Variants in PLD1 observed in about 807,000 individuals in gnomAD.
The protein encoded by PLD1 is phospholipase D1, also known as choline phosphatase 1.
PLD1 carries 112 observed loss-of-function variants against 137.1 expected under a neutral mutation model. The observed-to-expected ratio is 0.82, with a 90% CI of 0.70 to 0.96. The LOEUF (loss-of-function observed/expected upper bound fraction) is 0.96. Ranked by LOEUF, PLD1 falls within the 40% of genes least tolerant of loss-of-function variation. PLD1 has a pLI of 0.00. For synonymous variants in PLD1, 431 were observed against 454.7 expected, an observed-to-expected ratio of 0.95 and a Z score of 0.66; for missense variants, 1,321 against 1,342.0, an observed-to-expected ratio of 0.98 and a Z score of 0.24.
At chr3:171,638,513 C>T (rs1400619931) in intron 23 of PLD1, among the ~76,000 whole-genome samples, 1 of 152,078 alleles carries the variant, frequency 6.6e-6, no homozygotes, top group Non-Finnish European at 1.5e-5. Flanking sequence ...ATTCCTTTCT[C>T]CTATCTATTT....
intron 1 of PLD1, among the ~76,000 whole-genome samples, chr3:171,805,732 G>T (rs2108362018): frequency 6.6e-6 from 1 of 152,326 alleles, no homozygotes; most frequent in Admixed American, 6.5e-5. Context: ...CTAAAAAAAA[G>T]TTTGTTAAGA....
chr3:171,642,854 T>C lies in PLD1; in HGVS notation c.2579A>G (p.Gln860Arg). The C allele has an allele frequency of 1.3e-6, 2 of 1,584,700 alleles. No individual in the cohort carries two copies. The highest frequency in any genetic ancestry group is 1.8e-5 in the Admixed American group (1 of 56,696). Residue 860 changes from glutamine (Q) to arginine (R), a missense_variant, in exon 23 of 27, where the codon CAG becomes CGG. Physicochemically the swap from Gln to Arg is conservative, Grantham distance 43 (BLOSUM62 1). Transcript: ENST00000351298. ...CAGTTACTTACGCTCTGCTTTTAAC[T>C]GTCCAAGGATGGAATTTTCTCCTCT... ...MCRGENSILG[Q>R]LKAELGNQWI...
intron 21 of PLD1, among the ~76,000 whole-genome samples, chr3:171,649,157 T>C (rs7616430): frequency 0.037 from 5,569 of 152,254 alleles, 260 homozygotes; most frequent in African/African-American, 0.11. Context: ...CTCATATGTA[T>C]GATATTGAGA....
chr3:171,680,068 T>C (rs1713804291), intron 16 of PLD1, among the ~76,000 whole-genome samples: 1 of 152,088 alleles, frequency 6.6e-6, no homozygotes, highest in Non-Finnish European at 1.5e-5. Flanking sequence ...TTCTTGTTCC[T>C]TGCCTGGTGT....
intron 1 of PLD1, among the ~76,000 whole-genome samples, chr3:171,779,841 G>C (rs1472519488): frequency 6.6e-6 from 1 of 151,876 alleles, no homozygotes; most frequent in African/African-American, 2.4e-5. Context: ...ATAAGTCTGA[G>C]ATTAGGACTG....
At chr3:171,763,659 A>G (rs1422101426) in intron 1 of PLD1, among the ~76,000 whole-genome samples, 2 of 152,026 alleles carry the variant, frequency 1.3e-5, no homozygotes, top group East Asian at 3.9e-4. Flanking sequence ...TTATCTTTCT[A>G]TTAACACAAT....
intron 1 of PLD1, among the ~76,000 whole-genome samples, chr3:171,786,095 G>C (rs990679183): frequency 1.3e-5 from 2 of 152,094 alleles, no homozygotes; most frequent in African/African-American, 4.8e-5. Flanking sequence ...AGGCCATCAG[G>C]CTCCCTTTAT....
intron 8 of PLD1, chr3:171,721,372 C>T (rs905235363): frequency 4.6e-5 from 7 of 152,274 alleles, no homozygotes; most frequent in African/African-American, 1.4e-4. Flanking sequence ...TTGTGGGCAG[C>T]TGTGCTGTAA....
At chr3:171,613,453 C>T (rs1732846980) in intron 24 of PLD1, among the ~76,000 whole-genome samples, 1 of 152,144 alleles carries the variant, frequency 6.6e-6, no homozygotes, top group African/African-American at 2.4e-5. Flanking sequence ...GAATCAGGCT[C>T]TCTGTAGGCT....
chr3:171,792,554 A>G, intron 1 of PLD1: 2 of 456,494 alleles, frequency 4.4e-6, no homozygotes, highest in South Asian at 3.1e-5. Flanking sequence ...ACAAACCAGG[A>G]GAAGGAAGAG....
intron 7 of PLD1, 103 bp from the exon 8 acceptor site, chr3:171,724,891 A>G (rs1227996175): frequency 4.0e-6 from 3 of 758,130 alleles, no homozygotes; most frequent in African/African-American, 3.4e-5. Context: ...TCATTCTCAC[A>G]TGACTTTCCT....
intron 23 of PLD1, among the ~76,000 whole-genome samples, chr3:171,635,470 A>G (rs1406152389): frequency 6.6e-6 from 1 of 152,094 alleles, no homozygotes; most frequent in Non-Finnish European, 1.5e-5. Flanking sequence ...GTGAATGTGA[A>G]GCTGTGAGGT....
At chr3:171,772,358 A>G (rs1414084861) in intron 1 of PLD1, among the ~76,000 whole-genome samples, 1 of 152,228 alleles carries the variant, frequency 6.6e-6, no homozygotes, top group African/African-American at 2.4e-5. Flanking sequence ...AGCTTGATTC[A>G]CCTGTTGCCA....
intron 16 of PLD1, among the ~76,000 whole-genome samples, chr3:171,685,747 G>C (rs1270546266): frequency 3.9e-5 from 6 of 152,134 alleles, no homozygotes; most frequent in Non-Finnish European, 7.3e-5. Context: ...AGTATCTGGA[G>C]TATCTTCTTA....
intron 11 of PLD1, among the ~76,000 whole-genome samples, chr3:171,706,216 C>T (rs1314345713): frequency 6.6e-6 from 1 of 151,932 alleles, no homozygotes; most frequent in Non-Finnish European, 1.5e-5. Flanking sequence ...TTACCACTTA[C>T]ATTGTACCCT....
chr3:171,764,876 AAAGAAAGAAAGAAAGAAAGGAAGG>A (rs1266602012), intron 1 of PLD1, among the ~76,000 whole-genome samples: 308 of 25,518 alleles, frequency 0.012, 33 homozygotes, highest in African/African-American at 0.041. Context: ...AGAAAGAAAG[AAAGAAAGAAAGAAAGAAAGGAAGG>A]AAGGAAGGAA....
intron 18 of PLD1, among the ~76,000 whole-genome samples, 196 bp from the exon 19 acceptor site, chr3:171,674,809 T>A (rs1329650093): frequency 2.0e-5 from 3 of 151,628 alleles, no homozygotes; most frequent in South Asian, 2.1e-4. Flanking sequence ...GAAACCCCCA[T>A]CTCTACTAAA....
intron 1 of PLD1, among the ~76,000 whole-genome samples, chr3:171,787,154 T>C (rs894360719): frequency 2.6e-5 from 4 of 152,126 alleles, no homozygotes; most frequent in Non-Finnish European, 5.9e-5. Context: ...CTCTTCCCAA[T>C]CAATGCCCAT....
intron 2 of PLD1, 41 bp downstream of exon 2, chr3:171,737,851 G>A: frequency 6.3e-7 from 1 of 1,582,794 alleles, no homozygotes; most frequent in Non-Finnish European, 8.6e-7. Context: ...GACCAACCGA[G>A]ATAAACTCTT....
Sources: gnomAD v4.1 joint callset for allele counts (sites outside exome capture counted in the v4.1 genomes callset) on GRCh38, gnomAD v4.1.1 for gene constraint, MANE v1.5 for transcripts, NCBI Gene and HGNC (gene_info 2026-07-23, HGNC 2026-07-21) for gene names.